The following HRH1 variants were observed in gnomAD, a reference collection of about 807,000 sequenced individuals.
HRH1 encodes the protein histamine receptor H1.
In HRH1, 6 loss-of-function variants were observed where a neutral mutation model predicts 10.3. The observed-to-expected ratio is 0.58, with a 90% CI of 0.32 to 1.15. The LOEUF is 1.15. Among genes scored for constraint, HRH1 ranks in the 50% most tolerant of loss-of-function variants. HRH1 has a pLI of 0.05. For missense variants in HRH1, 514 were observed against 615.3 expected, an observed-to-expected ratio of 0.84 and a Z score of 1.74; for synonymous variants, 242 against 236.7, an observed-to-expected ratio of 1.02 and a Z score of -0.21.
intron 1 of HRH1, among the ~76,000 whole-genome samples, chr3:11,217,320 A>T (rs1938543863): frequency 1.3e-5 from 2 of 152,044 alleles, no homozygotes; most frequent in South Asian, 4.1e-4. Context: ...ACCTGAGGTC[A>T]GGAGTTCAAG....
At chr3:11,145,367 CTTT>C (rs779154598) in intron 1 of HRH1, among the ~76,000 whole-genome samples, 22 of 152,118 alleles carry the variant, frequency 1.4e-4, no homozygotes, top group Non-Finnish European at 1.5e-4. Context: ...TTAGCCTTCT[CTTT>C]GTTTGACTTT....
chr3:11,138,077 G>A (rs1299996904), intron 1 of HRH1, among the ~76,000 whole-genome samples: 3 of 151,626 alleles, frequency 2.0e-5, no homozygotes, highest in African/African-American at 4.9e-5. Flanking sequence ...GTGGAGTGTC[G>A]TGATCTCTGC....
At chr3:11,157,909 G>A (rs1361707743) in intron 1 of HRH1, among the ~76,000 whole-genome samples, 3 of 152,244 alleles carry the variant, frequency 2.0e-5, no homozygotes, top group African/African-American at 7.2e-5. Flanking sequence ...AGTTCTGCCA[G>A]TGTATTTGTT....
chr3:11,204,458 A>G (rs1938042911), intron 1 of HRH1, among the ~76,000 whole-genome samples: 1 of 152,114 alleles, frequency 6.6e-6, no homozygotes, highest in Non-Finnish European at 1.5e-5. Context: ...GCACTTGAAA[A>G]GCTCACAAGA....
At chr3:11,242,412 G>A (rs993353568) in intron 1 of HRH1, among the ~76,000 whole-genome samples, 2 of 137,138 alleles carry the variant, frequency 1.5e-5, no homozygotes, top group Non-Finnish European at 3.0e-5. Flanking sequence ...AACCTGGAAG[G>A]CAGAGCTTGC....
chr3:11,211,984 C>T (rs551633178), intron 1 of HRH1, among the ~76,000 whole-genome samples: 3 of 152,188 alleles, frequency 2.0e-5, no homozygotes, highest in African/African-American at 4.8e-5. Context: ...TTTTAACGTA[C>T]GCACTCCCAA....
At chr3:11,140,788 G>A (rs900171773) in intron 1 of HRH1, among the ~76,000 whole-genome samples, 2 of 152,080 alleles carry the variant, frequency 1.3e-5, no homozygotes, top group Admixed American at 6.6e-5. Flanking sequence ...ACAGGGCCAC[G>A]CTTACCTGCC....
intron 1 of HRH1, among the ~76,000 whole-genome samples, chr3:11,158,321 AC>A (rs1185956087): frequency 6.6e-6 from 1 of 152,202 alleles, no homozygotes. Flanking sequence ...TTTATACAGC[AC>A]TCTGCAAAGT....
At chr3:11,181,119 CA>C (rs1937344116) in intron 1 of HRH1, among the ~76,000 whole-genome samples, 1 of 151,926 alleles carries the variant, frequency 6.6e-6, no homozygotes, top group African/African-American at 2.4e-5. Flanking sequence ...CCCATCTGTA[CA>C]AAAAGTACAA....
intron 1 of HRH1, among the ~76,000 whole-genome samples, chr3:11,226,959 G>C (rs986909565): frequency 6.6e-6 from 1 of 152,190 alleles, no homozygotes; most frequent in Non-Finnish European, 1.5e-5. Flanking sequence ...ACACATGTGG[G>C]GCCAGGGTGC....
At chr3:11,198,757 C>T (rs530679673) in intron 1 of HRH1, among the ~76,000 whole-genome samples, 34 of 148,256 alleles carry the variant, frequency 2.3e-4, no homozygotes, top group African/African-American at 6.2e-4. Flanking sequence ...AAAAAATGGG[C>T]GGACTGTTTG....
intron 1 of HRH1, among the ~76,000 whole-genome samples, chr3:11,203,520 G>C (rs1938008818): frequency 6.6e-6 from 1 of 152,160 alleles, no homozygotes; most frequent in South Asian, 2.1e-4. Flanking sequence ...TCCATTTTGA[G>C]TTACTTTGTC....
At chr3:11,147,768 AGTG>A (rs1474052781) in intron 1 of HRH1, among the ~76,000 whole-genome samples, 1 of 152,152 alleles carries the variant, frequency 6.6e-6, no homozygotes, top group East Asian at 1.9e-4. Context: ...TGATGTGTAG[AGTG>A]GTGAAGTGAC....
intron 1 of HRH1, among the ~76,000 whole-genome samples, chr3:11,144,484 C>CCTATAGACATATAG (rs1559249839): frequency 4.5e-3 from 95 of 21,054 alleles, no homozygotes; most frequent in African/African-American, 0.011. Context: ...CATATATATA[C>CCTATAGACATATAG]ACACACACAC....
intron 1 of HRH1, among the ~76,000 whole-genome samples, chr3:11,210,331 C>A (rs1454809462): frequency 3.3e-5 from 5 of 151,868 alleles, no homozygotes; most frequent in Non-Finnish European, 7.4e-5. Flanking sequence ...GAGGTCGAGG[C>A]TGCCGTGAAC....
At chr3:11,187,618 A>G (rs1388609882) in intron 1 of HRH1, among the ~76,000 whole-genome samples, 2 of 152,198 alleles carry the variant, frequency 1.3e-5, no homozygotes, top group Non-Finnish European at 2.9e-5. Flanking sequence ...AAAGTCAGGT[A>G]TGCATTATTT....
chr3:11,242,346 T>C (rs1939368033), intron 1 of HRH1, among the ~76,000 whole-genome samples: 1 of 151,828 alleles, frequency 6.6e-6, no homozygotes, highest in Non-Finnish European at 1.5e-5. Flanking sequence ...CCGGCCATGG[T>C]GGCGGGTGCC....
chr3:11,245,445 T>C (rs1939455155), intron 1 of HRH1, among the ~76,000 whole-genome samples: 1 of 152,212 alleles, frequency 6.6e-6, no homozygotes, highest in Admixed American at 6.5e-5. Context: ...TTGAGTAAGA[T>C]GCTTCACCTC....
rs372611074 is a variant in HRH1, at chr3:11,182,006, G to A, written c.-36+27452G>A. On this transcript the variant is annotated intron_variant, in intron 1 of 1. Coordinates refer to ENST00000431010, the MANE Select transcript of HRH1 (RefSeq NM_001098212.2). ...ATTCTTTCTTTTATGTTTCTGAGGC[G>A]GAGTCTTGCTCTGTCACCCAGGCTA... is the stretch of plus-strand genomic sequence containing the variant. Among the ~76,000 whole-genome samples the A allele has an allele frequency of 2.3e-4, 35 of 151,916 alleles. No homozygotes were observed. The South Asian group carries it at 5.6e-3, about 24-fold the overall frequency.
Sources: allele counts gnomAD v4.1 joint callset (sites outside exome capture counted in the v4.1 genomes callset), GRCh38; gene constraint gnomAD v4.1.1; transcripts MANE v1.5; gene names NCBI Gene and HGNC (gene_info 2026-07-23, HGNC 2026-07-21).